KCND3: variants seen among roughly 807,000 people sequenced by gnomAD.
KCND3 encodes the protein A-type voltage-gated potassium channel KCND3.
Under a neutral mutation model 51.1 loss-of-function variants are expected in KCND3, and 9 were observed. That is an observed-to-expected ratio of 0.18 (90% CI 0.11 to 0.31). The LOEUF (loss-of-function observed/expected upper bound fraction) is 0.31. Among genes scored for constraint, KCND3 ranks in the 10% least tolerant of loss-of-function variants. The pLI, the probability that KCND3 is intolerant of heterozygous loss-of-function variation, is 1.00. For synonymous variants in KCND3, 349 were observed against 368.0 expected (o/e 0.95, Z 0.59); for missense variants, 526 against 903.8 (o/e 0.58, Z 5.36).
chr1:111,935,839 C>CG (rs1283467747), intron 2 of KCND3, among the ~76,000 whole-genome samples: 2 of 152,180 alleles, frequency 1.3e-5, no homozygotes, highest in African/African-American at 2.4e-5. Context: ...CCTGGAATCC[C>CG]GACCTCATTC....
rs59574875 is a variant in KCND3, at chr1:111,952,683, C to T, written c.1106+28938G>A. Among the ~76,000 whole-genome samples the T allele has an allele frequency of 8.8e-3, 1,335 of 152,290 alleles. 19 individuals carry two copies. Among genetic ancestry groups the T allele is most frequent in the African/African-American group, 0.03 (1,242 of 41,544 alleles). On this transcript the variant is annotated intron_variant, in intron 2 of 7. Transcript: ENST00000302127. ...GCTCACTCCTTCCCAGAGGGAGATG[C>T]CGAAGGATGGACTTCCCCAGGTCAT...
At chr1:111,805,405 C>T (rs1315187320) in intron 2 of KCND3, among the ~76,000 whole-genome samples, 1 of 152,226 alleles carries the variant, frequency 6.6e-6, no homozygotes, top group Non-Finnish European at 1.5e-5. Flanking sequence ...TCCCCTCACC[C>T]TTGCCTCAGT....
intron 2 of KCND3, among the ~76,000 whole-genome samples, chr1:111,947,950 G>C (rs1185276422): frequency 6.6e-6 from 1 of 152,228 alleles, no homozygotes; most frequent in Non-Finnish European, 1.5e-5. Flanking sequence ...GTATATATGT[G>C]AGGAGGGTCA....
chr1:111,849,552 C>T (rs540409299), intron 2 of KCND3, among the ~76,000 whole-genome samples: 1 of 152,340 alleles, frequency 6.6e-6, no homozygotes, highest in Non-Finnish European at 1.5e-5. Context: ...AGTCCTAGAC[C>T]AAGCTCTGGG....
chr1:111,821,204 C>G (rs569953115), intron 2 of KCND3, among the ~76,000 whole-genome samples: 17 of 152,254 alleles, frequency 1.1e-4, no homozygotes, highest in African/African-American at 4.1e-4. Flanking sequence ...CAGATTTTCA[C>G]GCCCCATCTG....
intron 2 of KCND3, among the ~76,000 whole-genome samples, chr1:111,954,420 T>A (rs2101913573): frequency 6.6e-6 from 1 of 152,302 alleles, no homozygotes; most frequent in Non-Finnish European, 1.5e-5. Flanking sequence ...AAACTGAACA[T>A]ACAGAACTGA....
rs539105241 is a variant in KCND3, at chr1:111,785,756, A to C, written c.1269+1188T>G. On this transcript the variant is annotated intron_variant, in intron 3 of 7. Coordinates refer to ENST00000302127, the MANE Select transcript of KCND3 (RefSeq NM_001378969.1). ...TCTGGATTTCTTCCTCCATAACGAC[A>C]TTAACTTCCCTTTGAGCCTTTACAC... Among the ~76,000 whole-genome samples, 5 of 152,248 alleles carry C rather than the reference A, an allele frequency of 3.3e-5. No homozygotes were observed. The South Asian group carries it at 6.2e-4, about 19-fold the overall frequency.
At chr1:111,881,340 C>G (rs1271747804) in intron 2 of KCND3, among the ~76,000 whole-genome samples, 1 of 152,192 alleles carries the variant, frequency 6.6e-6, no homozygotes, top group Non-Finnish European at 1.5e-5. Flanking sequence ...AGAAAAAGTG[C>G]CTTTTGTGCT....
At chr1:111,824,752 C>A (rs1666500310) in intron 2 of KCND3, among the ~76,000 whole-genome samples, 1 of 152,120 alleles carries the variant, frequency 6.6e-6, no homozygotes, top group African/African-American at 2.4e-5. Flanking sequence ...GATGCCAGAC[C>A]CCTCATCCAT....
intron 2 of KCND3, among the ~76,000 whole-genome samples, chr1:111,965,177 C>T (rs763336936): frequency 1.3e-5 from 2 of 151,800 alleles, no homozygotes; most frequent in Non-Finnish European, 2.9e-5. Flanking sequence ...CTGGATTCTC[C>T]AGGCACAGAG....
chr1:111,848,652 C>T (rs1049084918), intron 2 of KCND3, among the ~76,000 whole-genome samples: 3 of 152,214 alleles, frequency 2.0e-5, no homozygotes, highest in Non-Finnish European at 2.9e-5. Flanking sequence ...CGGCATGGTG[C>T]GTGGCCCCTG....
At chr1:111,931,730 C>T (rs1671981303) in intron 2 of KCND3, among the ~76,000 whole-genome samples, 1 of 152,208 alleles carries the variant, frequency 6.6e-6, no homozygotes, top group Non-Finnish European at 1.5e-5. Flanking sequence ...TGCTTGCTAG[C>T]ATGATTATCA....
intron 2 of KCND3, among the ~76,000 whole-genome samples, chr1:111,979,314 G>C (rs925995524): frequency 6.6e-6 from 1 of 152,222 alleles, no homozygotes; most frequent in Non-Finnish European, 1.5e-5. Context: ...AAAGAAGTCA[G>C]CGGTTTCCCC....
rs72548730 is a variant in KCND3 at position 111,780,563 on chromosome 1, A to T, written c.1371+127T>A. The stretch of plus-strand genomic sequence containing the variant: ...GAATGGGGGGCTGCTACCTGGGGAA[A>T]GTTTGGAAACGTGTCCTCCTTGGGG... On this transcript the variant is annotated intron_variant, in intron 4 of 7. Transcript: ENST00000302127. The surrounding 1 kb of genome is among the most constrained non-coding windows in gnomAD (Gnocchi z 4.2). 50 of 902,730 alleles carry T rather than the reference A, an allele frequency of 5.5e-5. No individual in the cohort carries two copies. Among genetic ancestry groups the T allele is most frequent in the Admixed American group, 2.6e-4 (13 of 49,792 alleles). 55.9% of individuals were successfully genotyped at this position (902,730 alleles called of 1,614,324 possible).
chr1:111,820,594 TCTC>T (rs1327674120), intron 2 of KCND3, among the ~76,000 whole-genome samples: 5 of 152,224 alleles, frequency 3.3e-5, no homozygotes, highest in Non-Finnish European at 5.9e-5. Context: ...TTTTGCTTCT[TCTC>T]CTTCTCCAGG....
rs139349092 is a variant in KCND3 at position 111,856,572 on chromosome 1, C to A, written c.1107-69466G>T. Among the ~76,000 whole-genome samples the A allele has an allele frequency of 2.9e-3, 449 of 152,360 alleles. 4 individuals carry two copies. Among genetic ancestry groups the A allele is most frequent in the African/African-American group, 0.01 (428 of 41,590 alleles). On this transcript the variant is annotated intron_variant, in intron 2 of 7. Coordinates refer to ENST00000302127, the MANE Select transcript of KCND3 (RefSeq NM_001378969.1). ...CTCAGCCTCCCTCAGGCCAGACCCC[C>A]CCTTGCACATGGTGGATCCTGAGCC...
chr1:111,875,349 G>A (rs533137790), intron 2 of KCND3, among the ~76,000 whole-genome samples: 1 of 152,340 alleles, frequency 6.6e-6, no homozygotes, highest in African/African-American at 2.4e-5. Context: ...CCGACTAGGA[G>A]ACAGCCTAGA....
chr1:111,861,683 G>A (rs1202573380), intron 2 of KCND3, among the ~76,000 whole-genome samples: 1 of 152,216 alleles, frequency 6.6e-6, no homozygotes, highest in East Asian at 1.9e-4. Flanking sequence ...CAGCCTGGCA[G>A]AGCAGGGGTG....
At chr1:111,812,084 T>C (rs897451998) in intron 2 of KCND3, among the ~76,000 whole-genome samples, 2 of 152,162 alleles carry the variant, frequency 1.3e-5, no homozygotes, top group East Asian at 1.9e-4. Context: ...TAGTGATGAC[T>C]GGAGGGGTGA....
Sources: allele counts gnomAD v4.1 joint callset (sites outside exome capture counted in the v4.1 genomes callset), GRCh38; gene constraint gnomAD v4.1.1; non-coding constraint Gnocchi (gnomAD v3.1); transcripts MANE v1.5; gene names NCBI Gene and HGNC (gene_info 2026-07-23, HGNC 2026-07-21).